ASIC2: variants seen among roughly 807,000 people sequenced by gnomAD.
ASIC2 encodes the protein acid sensing ion channel subunit 2.
ASIC2 carries 25 observed loss-of-function variants against 57.3 expected under a neutral mutation model. The observed-to-expected ratio is 0.44, with a 90% CI of 0.32 to 0.61. The LOEUF is 0.61. Among genes scored for constraint, ASIC2 ranks in the 20% least tolerant of loss-of-function variants. ASIC2 has a pLI of 0.06. For missense variants in ASIC2, 641 were observed against 738.1 expected, an observed-to-expected ratio of 0.87 and a Z score of 1.52; for synonymous variants, 319 against 307.5, an observed-to-expected ratio of 1.04 and a Z score of -0.39.
At chr17:33,349,134 T>A (rs1908064703) in intron 1 of ASIC2, among the ~76,000 whole-genome samples, 1 of 152,206 alleles carries the variant, frequency 6.6e-6, no homozygotes, top group South Asian at 2.1e-4. Flanking sequence ...AGCGGCTGCT[T>A]CTCACCTGTA....
At chr17:34,090,687 T>C (rs562134407) in intron 1 of ASIC2, among the ~76,000 whole-genome samples, 1 of 152,290 alleles carries the variant, frequency 6.6e-6, no homozygotes, top group African/African-American at 2.4e-5. Context: ...TCTGCTAAAC[T>C]CTGGCAACTT....
intron 1 of ASIC2, among the ~76,000 whole-genome samples, chr17:33,152,793 C>T (rs1489640720): frequency 1.3e-5 from 2 of 152,172 alleles, no homozygotes; most frequent in Non-Finnish European, 2.9e-5. Context: ...TAGCATGTTA[C>T]GTGGTCTGGG....
chr17:33,717,020 C>A (rs1188804235), intron 1 of ASIC2, among the ~76,000 whole-genome samples: 1 of 152,200 alleles, frequency 6.6e-6, no homozygotes, highest in Admixed American at 6.5e-5. Context: ...TAAAGAAGAT[C>A]TGTGGCTCAC....
intron 1 of ASIC2, among the ~76,000 whole-genome samples, chr17:34,065,754 G>A (rs1379494940): frequency 2.6e-5 from 4 of 152,078 alleles, no homozygotes; most frequent in Non-Finnish European, 5.9e-5. Context: ...GAAAACAGGG[G>A]CATGCAACAA....
chr17:33,552,921 G>T (rs1482999140), intron 1 of ASIC2, among the ~76,000 whole-genome samples: 1 of 152,200 alleles, frequency 6.6e-6, no homozygotes, highest in Non-Finnish European at 1.5e-5. Flanking sequence ...CCCTGGAGCT[G>T]GGAGGGGAAA....
intron 6 of ASIC2, among the ~76,000 whole-genome samples, chr17:33,023,231 T>G (rs1008443466): frequency 6.6e-6 from 1 of 152,148 alleles, no homozygotes; most frequent in Admixed American, 6.5e-5. Context: ...CTCACACCTG[T>G]AATCCCAGCA....
At chr17:33,750,945 T>C (rs1461905584) in intron 1 of ASIC2, among the ~76,000 whole-genome samples, 1 of 152,136 alleles carries the variant, frequency 6.6e-6, no homozygotes, top group Non-Finnish European at 1.5e-5. Flanking sequence ...AATAAAGTAA[T>C]AATGTTATCA....
chr17:33,574,135 G>A (rs373330690), intron 1 of ASIC2, among the ~76,000 whole-genome samples: 15 of 152,266 alleles, frequency 9.9e-5, no homozygotes, highest in African/African-American at 3.1e-4. Context: ...AAATAATACC[G>A]AACTGCTCTT....
At chr17:34,099,119 AG>A (rs1910664392) in intron 1 of ASIC2, among the ~76,000 whole-genome samples, 1 of 26,958 alleles carries the variant, frequency 3.7e-5, no homozygotes, top group African/African-American at 1.3e-4. Context: ...AGAGAGAGAG[AG>A]AGAGAGAGAG....
At chr17:33,952,479 C>T (rs1904609022) in intron 1 of ASIC2, among the ~76,000 whole-genome samples, 1 of 152,062 alleles carries the variant, frequency 6.6e-6, no homozygotes, top group East Asian at 1.9e-4. Context: ...AGGAAAGAAG[C>T]TAATATATGT....
At chr17:33,920,131 C>A (rs1346473507) in intron 1 of ASIC2, among the ~76,000 whole-genome samples, 1 of 152,156 alleles carries the variant, frequency 6.6e-6, no homozygotes, top group East Asian at 1.9e-4. Flanking sequence ...AAAGAACTAC[C>A]ATTCGATCCA....
At chr17:33,685,298 C>G (rs1225935172) in intron 1 of ASIC2, among the ~76,000 whole-genome samples, 1 of 152,110 alleles carries the variant, frequency 6.6e-6, no homozygotes, top group African/African-American at 2.4e-5. Flanking sequence ...GCTCCCACAC[C>G]CAGCGTGAAG....
chr17:33,075,999 T>C (rs527791259), intron 3 of ASIC2, among the ~76,000 whole-genome samples: 1 of 152,292 alleles, frequency 6.6e-6, no homozygotes, highest in African/African-American at 2.4e-5. Context: ...CAATTCAAAT[T>C]AATTGAATCT....
chr17:33,579,886 A>C (rs535185187), intron 1 of ASIC2, among the ~76,000 whole-genome samples: 1 of 140,260 alleles, frequency 7.1e-6, no homozygotes, highest in Non-Finnish European at 1.7e-5. Context: ...TTATTGGTCC[A>C]TTTTACAGAG....
Position 33,250,374 on chromosome 17 carries a change from C to T in ASIC2, c.708+41034G>A, listed in dbSNP as rs117055124. Among the ~76,000 whole-genome samples, 116 of 152,322 alleles carry T rather than the reference C, an allele frequency of 7.6e-4. 2 individuals are homozygous for T. In the East Asian group the frequency reaches 0.02, roughly 26 times the overall value. ...CCTGCTCCTAGTGTGGGGCCATAGC[C>T]CAGCCCAGCACTTCGCTACCATCTT... On this transcript the variant is annotated intron_variant, in intron 1 of 9. Coordinates refer to ENST00000225823, the MANE Select transcript of ASIC2 (RefSeq NM_183377.2).
chr17:33,144,110 C>T (rs1034611732), intron 1 of ASIC2, among the ~76,000 whole-genome samples: 2 of 151,232 alleles, frequency 1.3e-5, no homozygotes, highest in Non-Finnish European at 2.9e-5. Context: ...GCACCTCATC[C>T]AAGCTGGGCC....
At chr17:33,144,138 G>A (rs960531669) in intron 1 of ASIC2, among the ~76,000 whole-genome samples, 2 of 145,048 alleles carry the variant, frequency 1.4e-5, no homozygotes, top group Non-Finnish European at 3.0e-5. Flanking sequence ...TACTTTTCTG[G>A]AATTAAAAAA....
intron 1 of ASIC2, among the ~76,000 whole-genome samples, chr17:33,934,056 T>C: frequency 6.6e-6 from 1 of 152,226 alleles, no homozygotes; most frequent in East Asian, 1.9e-4. Context: ...GTTCTAGTTT[T>C]GGACTTCTGG....
chr17:33,919,958 A>C (rs1354240483), intron 1 of ASIC2, among the ~76,000 whole-genome samples: 2 of 152,228 alleles, frequency 1.3e-5, no homozygotes, highest in Non-Finnish European at 2.9e-5. Flanking sequence ...TGCAAATCAA[A>C]ACCACAATGA....
Sources: gnomAD v4.1 joint callset for allele counts (sites outside exome capture counted in the v4.1 genomes callset) on GRCh38, gnomAD v4.1.1 for gene constraint, MANE v1.5 for transcripts, NCBI Gene and HGNC (gene_info 2026-07-23, HGNC 2026-07-21) for gene names.